COL9A1: variants seen among roughly 807,000 people sequenced by gnomAD.
COL9A1 encodes the protein collagen alpha-1(IX) chain.
Under a neutral mutation model 142.6 loss-of-function variants are expected in COL9A1, and 104 were observed. The observed-to-expected ratio is 0.73, with a 90% CI of 0.62 to 0.86. COL9A1 has a LOEUF of 0.86. Among genes scored for constraint, COL9A1 ranks in the 40% least tolerant of loss-of-function variants. COL9A1 has a pLI of 0.00. For missense variants in COL9A1, 1,210 were observed against 1,176.6 expected (o/e 1.03, Z -0.42); for synonymous variants, 466 against 396.0 (o/e 1.18, Z -2.10).
chr6:70,260,430 C>G (rs998754983), intron 20 of COL9A1, among the ~76,000 whole-genome samples: 2 of 151,780 alleles, frequency 1.3e-5, no homozygotes, highest in Non-Finnish European at 2.9e-5. Context: ...GTAATCCCAG[C>G]TGCTCTACTC....
At chr6:70,237,843 CCA>C (rs1770011354) in intron 33 of COL9A1, among the ~76,000 whole-genome samples, 1 of 152,152 alleles carries the variant, frequency 6.6e-6, no homozygotes, top group Admixed American at 6.5e-5. Flanking sequence ...TGCAAAGAGC[CCA>C]AGGCTAGGCA....
At chr6:70,236,290 G>A (rs2127561080) in intron 33 of COL9A1, among the ~76,000 whole-genome samples, 1 of 152,004 alleles carries the variant, frequency 6.6e-6, no homozygotes, top group East Asian at 1.9e-4. Context: ...ACCACTAAAA[G>A]CATTTAAAAG....
At position 70,281,003 on chromosome 6, in the gene COL9A1, C is replaced by A; in HGVS notation, c.912+1G>T. 1 of 1,613,118 alleles carries A rather than the reference C, an allele frequency of 6.2e-7. No homozygotes were observed. The highest frequency in any genetic ancestry group is 8.5e-7 in the Non-Finnish European group (1 of 1,179,624). ...AGCGCCATATGCTCCAATCAACTTA[C>A]CGGGGGGCCCGGGGGGCCCTTAGGA... On this transcript the variant is annotated splice_donor_variant, in intron 9 of 37. Transcript: ENST00000357250. LOFTEE classifies it high-confidence loss of function.
intron 18 of COL9A1, among the ~76,000 whole-genome samples, chr6:70,265,422 A>G (rs928238481): frequency 6.8e-6 from 1 of 148,050 alleles, no homozygotes; most frequent in Non-Finnish European, 1.5e-5. Context: ...ATATTCGTAC[A>G]CACTTGTTTT....
At position 70,256,794 on chromosome 6, in the gene COL9A1, CA is replaced by C. The variant is rs1439319973; in HGVS notation, c.1476del (p.Pro494LeufsTer137). ...GGTGCACCAGGAAGACCCTGAGGCC[CA>C]GGTTCACCATCTAAGCCCCGAGCAC... ...EKGARGLDGE[P>X]GPQGLPGAPG... On this transcript the variant is annotated frameshift_variant, in exon 21 of 38. Coordinates refer to ENST00000357250, the MANE Select transcript of COL9A1 (RefSeq NM_001851.6). LOFTEE classifies it high-confidence loss of function. 1 of 1,613,342 alleles carries C rather than the reference CA, an allele frequency of 6.2e-7. No homozygotes were observed. Among genetic ancestry groups the C allele is most frequent in the Non-Finnish European group, 8.5e-7 (1 of 1,179,922 alleles).
chr6:70,278,268 A>G (rs761987308), intron 10 of COL9A1, among the ~76,000 whole-genome samples: 1 of 152,316 alleles, frequency 6.6e-6, no homozygotes, highest in South Asian at 2.1e-4. Flanking sequence ...TCATCTATTA[A>G]GATCGTCACT....
intron 28 of COL9A1, 55 bp downstream of exon 28, chr6:70,252,065 C>T: frequency 1.9e-6 from 3 of 1,556,032 alleles, no homozygotes; most frequent in South Asian, 2.2e-5. Flanking sequence ...AATGGAAGAA[C>T]ATCCAGCAAA....
In COL9A1 at chr6:70,303,037, G is replaced by T; in HGVS notation, c.-113C>A. On this transcript the variant is annotated 5_prime_UTR_variant, in exon 1 of 38. Coordinates refer to ENST00000357250, the MANE Select transcript of COL9A1 (RefSeq NM_001851.6). ...GTTACCCTAGGACTATGTGTTCTGG[G>T]CCCAGCCTTGGTCCCTCCTGCCCCC... 8.4e-7 allele frequency: 1 copy of T among 1,195,086 alleles called. No individual in the cohort carries two copies. The highest frequency in any genetic ancestry group is 1.3e-6 in the Non-Finnish European group (1 of 799,552). 74.0% of individuals were successfully genotyped at this position (1,195,086 alleles called of 1,614,324 possible). A position where few individuals can be genotyped will look rare whatever the true frequency, so the allele number is the denominator to read the frequency against.
At position 70,298,046 on chromosome 6, in the gene COL9A1, A is replaced by G. The variant is rs139603667; in HGVS notation, c.299+1997T>C. 9.6e-3 allele frequency among the ~76,000 whole-genome samples: 1,467 copies of G among 152,320 alleles called. 34 individuals carry two copies. The highest frequency in any genetic ancestry group is 0.033 in the African/African-American group (1,364 of 41,568). On this transcript the variant is annotated intron_variant, in intron 4 of 37. Coordinates refer to ENST00000357250, the MANE Select transcript of COL9A1 (RefSeq NM_001851.6). ...GCACAGAAAGTCCCTTTATAGGAAC[A>G]TTGTCTACACCTCGTATGGCCGAGA...
chr6:70,270,267 C>CCCT, intron 15 of COL9A1, 47 bp downstream of exon 15: 2 of 1,575,602 alleles, frequency 1.3e-6, no homozygotes, highest in Middle Eastern at 3.3e-4. Flanking sequence ...TTTTTTTCAA[C>CCCT]CCTGACTCTC....
At chr6:70,257,048 A>AATTTT (rs1562307548) in intron 20 of COL9A1, among the ~76,000 whole-genome samples, 1 of 105,018 alleles carries the variant, frequency 9.5e-6, no homozygotes. Flanking sequence ...CCACTCTGTA[A>AATTTT]TTTTTTTTTT....
intron 15 of COL9A1, 56 bp downstream of exon 15, chr6:70,270,258 T>A: frequency 6.4e-7 from 1 of 1,559,030 alleles, no homozygotes; most frequent in Non-Finnish European, 8.8e-7. Flanking sequence ...ATTCTTAGAT[T>A]TTTTTCAACC....
chr6:70,247,186 A>G lies in COL9A1; in HGVS notation c.1873-4471T>C, dbSNP rs77815799. Among the ~76,000 whole-genome samples, 73 of 152,326 alleles carry G rather than the reference A, an allele frequency of 4.8e-4. No individual in the cohort carries two copies. The East Asian group carries it at 0.013, about 27-fold the overall frequency. On this transcript the variant is annotated intron_variant, in intron 28 of 37. Coordinates refer to ENST00000357250, the MANE Select transcript of COL9A1 (RefSeq NM_001851.6). ...ATAAGTCTTTAGTTTTCATGTTTCC[A>G]GTTTCTGTCAACATCACTGATCATC...
In COL9A1 at chr6:70,253,430, C is replaced by T; in HGVS notation, c.1720-1G>A. ...TTGCACCAGGAATTCCAGGTACACC[C>T]TAAAAGAATACATACACAATCCTAG... On this transcript the variant is annotated splice_acceptor_variant, in intron 25 of 37. Transcript: ENST00000357250. LOFTEE classifies it high-confidence loss of function. The T allele has an allele frequency of 6.2e-7, 1 of 1,604,328 alleles. No individual in the cohort carries two copies. The highest frequency in any genetic ancestry group is 8.5e-7 in the Non-Finnish European group (1 of 1,171,692).
In COL9A1 at chr6:70,271,926, T is replaced by C. The variant is rs140709058; in HGVS notation, c.1089+139A>G. On this transcript the variant is annotated intron_variant, in intron 13 of 37. Transcript: ENST00000357250. The stretch of plus-strand genomic sequence containing the variant: ...GTTTAGCAGAATAAGGGTGTTATCC[T>C]TAGTAGCCACCTAAGATCTTGCAGG... 76 of 964,694 alleles carry C rather than the reference T, an allele frequency of 7.9e-5. No homozygotes were observed. The South Asian group carries it at 1.0e-3, about 13-fold the overall frequency. 59.8% of individuals were successfully genotyped at this position (964,694 alleles called of 1,614,324 possible). A position where few individuals can be genotyped will look rare whatever the true frequency, so the allele number is the denominator to read the frequency against.
At chr6:70,302,135 A>G in intron 1 of COL9A1, 61 bp from the exon 2 acceptor site, 1 of 1,059,282 alleles carries the variant, frequency 9.4e-7, no homozygotes, top group Non-Finnish European at 1.4e-6. Context: ...AAACACTTCC[A>G]TATTTTCAAA....
Position 70,232,633 on chromosome 6 carries a change from A to T in COL9A1, c.2453T>A (p.Leu818His), listed in dbSNP as rs1438856749. 1.2e-6 allele frequency: 2 copies of T among 1,614,118 alleles called. No homozygotes were observed. Among genetic ancestry groups the T allele is most frequent in the Non-Finnish European group, 1.7e-6 (2 of 1,180,026 alleles). The change falls in exon 36 of 38, where the codon CTT (leucine) becomes CAT (histidine). Residue 818 changes from leucine to histidine, a missense_variant. Leu to His is a moderately conservative substitution (Grantham distance 99, BLOSUM62 -3). Coordinates refer to ENST00000357250, the MANE Select transcript of COL9A1 (RefSeq NM_001851.6). Reference protein sequence around the residue: ...GFPGQMGIRGLPGIKGPPGAL... With the variant: ...GFPGQMGIRGHPGIKGPPGAL... ...ACCAGGGGGCCCCTTAATGCCCGGA[A>T]GGCCACGAATTCCCATCTGGCCTGG... is the stretch of plus-strand genomic sequence containing the variant.
chr6:70,231,850 C>T (rs1327957117), intron 36 of COL9A1, among the ~76,000 whole-genome samples: 12 of 152,128 alleles, frequency 7.9e-5, no homozygotes, highest in Non-Finnish European at 1.5e-4. Context: ...ATCCAGGGCA[C>T]ATACACCCCA....
intron 32 of COL9A1, among the ~76,000 whole-genome samples, chr6:70,239,494 C>T (rs79974156): frequency 2.4e-3 from 367 of 152,312 alleles, no homozygotes; most frequent in African/African-American, 8.5e-3. Flanking sequence ...TGTAGCCTCC[C>T]AGCCTTTGGC....
Sources: allele counts gnomAD v4.1 joint callset (sites outside exome capture counted in the v4.1 genomes callset), GRCh38; gene constraint gnomAD v4.1.1; transcripts MANE v1.5; gene names NCBI Gene and HGNC (gene_info 2026-07-23, HGNC 2026-07-21).